BRCA2: variants seen among roughly 807,000 people sequenced by gnomAD.
The protein encoded by BRCA2 is BRCA2 DNA repair associated, also known as breast cancer type 2 susceptibility protein.
BRCA2 carries 203 observed loss-of-function variants against 276.7 expected under a neutral mutation model. That is an observed-to-expected ratio of 0.73 (90% CI 0.65 to 0.82). BRCA2 has a LOEUF of 0.82. Among genes scored for constraint, BRCA2 ranks in the 40% least tolerant of loss-of-function variants. BRCA2 has a pLI of 0.00. For missense variants in BRCA2, 3,920 were observed against 3,915.0 expected (o/e 1.00, Z -0.03); for synonymous variants, 1,289 against 1,338.4 (o/e 0.96, Z 0.81).
chr13:32,380,473 T>G (rs1365544052), intron 24 of BRCA2, among the ~76,000 whole-genome samples: 1 of 152,100 alleles, frequency 6.6e-6, no homozygotes, highest in East Asian at 1.9e-4. Context: ...CCTCAATTTA[T>G]TTCCTTAGCC....
Position 32,340,813 on chromosome 13 carries a change from C to T in BRCA2, c.6458C>T (p.Pro2153Leu), listed in dbSNP as rs276174873. The change falls in exon 11 of 27, where the codon CCA becomes CTA. Residue 2153 changes from proline (P) to leucine (L), a missense_variant. By Grantham distance (98) the Pro-to-Leu change is moderately conservative (BLOSUM62 -3). Coordinates refer to ENST00000380152, the MANE Select transcript of BRCA2 (RefSeq NM_000059.4). ...AATAATCACTCTATTAAAGTTTCTCCATATCTCTCTCAATTTCAACAAGAC... is the reference window on the plus strand; with the variant it reads ...AATAATCACTCTATTAAAGTTTCTCTATATCTCTCTCAATTTCAACAAGAC... ...SENNHSIKVS[P>L]YLSQFQQDKQ... is the part of the protein sequence containing the mutation. The T allele has an allele frequency of 2.5e-6, 4 of 1,588,720 alleles. No homozygotes were observed. Among genetic ancestry groups the T allele is most frequent in the Non-Finnish European group, 3.4e-6 (4 of 1,171,532 alleles).
At position 32,340,406 on chromosome 13, in the gene BRCA2, AAG is replaced by A. The variant is rs886040631; in HGVS notation, c.6052_6053del (p.Ser2018Ter). 6.2e-7 allele frequency: 1 copy of A among 1,613,774 alleles called. No individual in the cohort carries two copies. The highest frequency in any genetic ancestry group is 8.5e-7 in the Non-Finnish European group (1 of 1,179,750). On this transcript the variant is annotated frameshift_variant, in exon 11 of 27. Transcript: ENST00000380152. LOFTEE classifies it high-confidence loss of function. ...KQVFSKVLFK[S>X]NEHSDQLTRE... ...AAGTCTTTTCCAAAGTATTGTTTAA[AAG>A]TAACGAACATTCAGACCAGCTCACA...
Position 32,398,836 on chromosome 13 carries a change from A to G in BRCA2, c.*66A>G. Reference sequence around the variant, plus strand: ...TTCCAGTTTATAAGACTGGAATATAATTTCAAACCACACATTAGTACTTAT... The same window carrying G: ...TTCCAGTTTATAAGACTGGAATATAGTTTCAAACCACACATTAGTACTTAT... On this transcript the variant is annotated 3_prime_UTR_variant, in exon 27 of 27. Coordinates refer to ENST00000380152, the MANE Select transcript of BRCA2 (RefSeq NM_000059.4). 1 of 1,561,324 alleles carries G rather than the reference A, an allele frequency of 6.4e-7. No homozygotes were observed.
At chr13:32,351,795 T>TTTTA (rs374431648) in intron 13 of BRCA2, among the ~76,000 whole-genome samples, 30 of 151,978 alleles carry the variant, frequency 2.0e-4, no homozygotes, top group Admixed American at 2.6e-4. Context: ...TTTTATTTTA[T>TTTTA]TTTATTTATT....
rs80358552 is a variant in BRCA2, at chr13:32,337,431, A to T, written c.3076A>T (p.Lys1026Ter). 6.2e-7 allele frequency: 1 copy of T among 1,613,176 alleles called. No homozygotes were observed. Among genetic ancestry groups the T allele is most frequent in the Non-Finnish European group, 8.5e-7 (1 of 1,179,494 alleles). The change falls in exon 11 of 27, where the codon AAG becomes TAG. Residue 1026 changes from lysine (K) to a stop codon, truncating the protein, a stop_gained. Coordinates refer to ENST00000380152, the MANE Select transcript of BRCA2 (RefSeq NM_000059.4). LOFTEE classifies it high-confidence loss of function. ...CAAGCTCTCTGAACATAACATTAAG[A>T]AGAGCAAAATGTTCTTCAAAGATAT... is the stretch of plus-strand genomic sequence containing the variant. ...EIKLSEHNIK[K>*]SKMFFKDIEE...
intron 16 of BRCA2, among the ~76,000 whole-genome samples, chr13:32,362,082 G>A (rs1044748483): frequency 3.3e-5 from 5 of 152,172 alleles, no homozygotes; most frequent in African/African-American, 9.6e-5. Flanking sequence ...GAGTGCAGTG[G>A]CACTATCATG....
intron 25 of BRCA2, 92 bp downstream of exon 25, chr13:32,395,025 A>G: frequency 6.5e-7 from 1 of 1,548,640 alleles, no homozygotes; most frequent in Non-Finnish European, 8.8e-7. Flanking sequence ...CAAATTGGAT[A>G]GTTGAGGTAG....
At chr13:32,317,874 C>G (rs992385924) in intron 2 of BRCA2, among the ~76,000 whole-genome samples, 18 of 152,156 alleles carry the variant, frequency 1.2e-4, no homozygotes, top group African/African-American at 4.1e-4. Context: ...GTAAAAATGA[C>G]TTTTCATTGA....
intron 12 of BRCA2, among the ~76,000 whole-genome samples, chr13:32,345,717 A>G (rs2072606403): frequency 6.6e-6 from 1 of 152,058 alleles, no homozygotes; most frequent in Admixed American, 6.6e-5. Flanking sequence ...TAAACACGAA[A>G]TTTATTTAAG....
In BRCA2 at chr13:32,355,095, A is replaced by G. The variant is rs1799955; in HGVS notation, c.7242A>G (p.Ser2414=). The change falls in exon 14 of 27, where the codon TCA becomes TCG. Residue 2414 remains serine, a synonymous_variant. Transcript: ENST00000380152. ...TTGTTCCACCTTTTAAAACTAAATC[A>G]CATTTTCACAGAGTTGAACAGTGTG... The part of the protein sequence containing the change: ...KVFVPPFKTK[S]HFHRVEQCVR... 0.22 allele frequency: 357,391 copies of G among 1,613,446 alleles called. 41,275 individuals carry two copies. The highest frequency in any genetic ancestry group is 0.43 in the East Asian group (19,206 of 44,826).
intron 13 of BRCA2, among the ~76,000 whole-genome samples, chr13:32,352,790 T>TG (rs2072661706): frequency 6.6e-6 from 1 of 152,204 alleles, no homozygotes; most frequent in South Asian, 2.1e-4. Flanking sequence ...GCAAAACTGT[T>TG]GCAAGGAGAT....
rs1566261711 is a variant in BRCA2 at position 32,398,802 on chromosome 13, G to GCTTA, written c.*33_*36dup. On this transcript the variant is annotated 3_prime_UTR_variant, in exon 27 of 27. Coordinates refer to ENST00000380152, the MANE Select transcript of BRCA2 (RefSeq NM_000059.4). The stretch of plus-strand genomic sequence containing the variant: ...GCAAAGGCGACAATAAATTATTGAC[G>GCTTA]CTTAACCTTTCCAGTTTATAAGACT... 2 of 1,608,978 alleles carry GCTTA rather than the reference G, an allele frequency of 1.2e-6. No homozygotes were observed. The highest frequency in any genetic ancestry group is 1.7e-4 in the Middle Eastern group (1 of 6,010).
In BRCA2 at chr13:32,362,644, G is replaced by T. The variant is rs1566244896; in HGVS notation, c.7927G>T (p.Ala2643Ser). Residue 2643 changes from alanine (A) to serine (S), a missense_variant, in exon 17 of 27, where the codon GCT becomes TCT. By Grantham distance (99) the Ala-to-Ser change is moderately conservative (BLOSUM62 1). This residue lies in a region of BRCA2 where 3,263 missense variants were observed against 3,156.9 expected (regional missense o/e 1.03). Coordinates refer to ENST00000380152, the MANE Select transcript of BRCA2 (RefSeq NM_000059.4). ...GGAATGTGCCTTTCCTAAGGAATTT[G>T]CTAATAGATGCCTAAGCCCAGAAAG... ...AMECAFPKEF[A>S]NRCLSPERVL... The T allele has an allele frequency of 6.2e-7, 1 of 1,614,174 alleles. No individual in the cohort carries two copies. Among genetic ancestry groups the T allele is most frequent in the Non-Finnish European group, 8.5e-7 (1 of 1,180,016 alleles).
chr13:32,398,593 A>G lies in BRCA2; in HGVS notation c.10080A>G (p.Lys3360=), dbSNP rs786201493. 6.2e-7 allele frequency: 1 copy of G among 1,614,138 alleles called. No homozygotes were observed. Among genetic ancestry groups the G allele is most frequent in the Non-Finnish European group, 8.5e-7 (1 of 1,179,978 alleles). The change falls in exon 27 of 27, where the codon AAA becomes AAG. Residue 3360 remains lysine, a synonymous_variant. Transcript: ENST00000380152. ...TTTTGTCTGGTTCAACAGGAGAAAA[A>G]CAATTTATATCTGTCAGTGAATCCA... ...QALLSGSTGE[K]QFISVSESTR...
rs1555286298 is a variant in BRCA2 at position 32,356,571 on chromosome 13, G to GT, written c.7580dup (p.Gly2528ArgfsTer11). The GT allele has an allele frequency of 6.2e-7, 1 of 1,614,206 alleles. No individual in the cohort carries two copies. Among genetic ancestry groups the GT allele is most frequent in the South Asian group, 1.1e-5 (1 of 91,086 alleles). Reference sequence around the variant, plus strand: ...GCCTCGAATCTCTCTGAAAGCAGCAGTAGGAGGCCAAGTTCCCTCTGCGTG... The same window carrying GT: ...GCCTCGAATCTCTCTGAAAGCAGCAGTTAGGAGGCCAAGTTCCCTCTGCGTG... On this transcript the variant is annotated frameshift_variant, in exon 15 of 27. Transcript: ENST00000380152. LOFTEE classifies it high-confidence loss of function.
chr13:32,368,892 C>T (rs571854422), intron 18 of BRCA2, among the ~76,000 whole-genome samples: 8 of 150,536 alleles, frequency 5.3e-5, no homozygotes, highest in Non-Finnish European at 1.2e-4. Flanking sequence ...CTCACTGCAA[C>T]CTCCACCTCC....
At chr13:32,352,207 C>A (rs1051439213) in intron 13 of BRCA2, among the ~76,000 whole-genome samples, 13 of 151,906 alleles carry the variant, frequency 8.6e-5, no homozygotes, top group Non-Finnish European at 1.5e-5. Context: ...ATGTAGAAAG[C>A]CAGGTGATTT....
intron 12 of BRCA2, among the ~76,000 whole-genome samples, chr13:32,345,701 C>G (rs569559337): frequency 6.6e-6 from 1 of 151,972 alleles, no homozygotes; most frequent in Non-Finnish European, 1.5e-5. Flanking sequence ...GGATAGGACT[C>G]AAGTCTAAAC....
intron 24 of BRCA2, among the ~76,000 whole-genome samples, chr13:32,380,501 T>C (rs1050267163): frequency 1.3e-5 from 2 of 152,000 alleles, no homozygotes; most frequent in South Asian, 4.1e-4. Flanking sequence ...CTACTTTTCA[T>C]TGTACAGGGC....
Sources: allele counts gnomAD v4.1 joint callset (sites outside exome capture counted in the v4.1 genomes callset), GRCh38; gene constraint gnomAD v4.1.1; regional missense constraint gnomAD v4.1.1; transcripts MANE v1.5; gene names NCBI Gene and HGNC (gene_info 2026-07-23, HGNC 2026-07-21).